PIK3C2A: variants seen among roughly 807,000 people sequenced by gnomAD.
The protein encoded by PIK3C2A is phosphatidylinositol-4-phosphate 3-kinase catalytic subunit type 2 alpha, also known as phosphatidylinositol 4-phosphate 3-kinase C2 domain-containing subunit alpha.
Under a neutral mutation model 204.5 loss-of-function variants are expected in PIK3C2A, and 97 were observed. That is an observed-to-expected ratio of 0.47 (90% CI 0.40 to 0.56). The LOEUF (loss-of-function observed/expected upper bound fraction) is 0.56, where lower values mean the gene tolerates loss of function less well. Ranked by LOEUF, PIK3C2A falls within the 20% of genes least tolerant of loss-of-function variation. The probability of loss-of-function intolerance (pLI) is 0.00; values close to 1 mark genes in which losing one functional copy is unlikely to be tolerated. For missense variants in PIK3C2A, 1,735 were observed against 1,969.2 expected, an observed-to-expected ratio of 0.88 and a Z score of 2.25; for synonymous variants, 653 against 664.4, an observed-to-expected ratio of 0.98 and a Z score of 0.26.
intron 19 of PIK3C2A, among the ~76,000 whole-genome samples, chr11:17,114,893 C>G (rs1242760027): frequency 1.3e-5 from 2 of 152,154 alleles, no homozygotes; most frequent in African/African-American, 4.8e-5. Context: ...GCTCTTGACT[C>G]AGCTATTTCA....
intron 27 of PIK3C2A, among the ~76,000 whole-genome samples, chr11:17,096,078 G>A (rs1186940390): frequency 6.7e-6 from 1 of 149,432 alleles, no homozygotes; most frequent in African/African-American, 2.5e-5. Flanking sequence ...TTGCTCTGTT[G>A]CCCAGCCTGG....
rs1259239085 is a variant in PIK3C2A at position 17,155,554 on chromosome 11, T to A, written c.1141A>T (p.Met381Leu). 2.5e-6 allele frequency: 4 copies of A among 1,602,106 alleles called. No homozygotes were observed. Among genetic ancestry groups the A allele is most frequent in the Non-Finnish European group, 3.4e-6 (4 of 1,170,792 alleles). The part of the protein sequence containing the change: ...LQEVEVQNEE[M>L]AAFCRSITKL... ...GTAATGGATCGACAAAAAGCTGCCA[T>A]CTCCTCATTCTGTACTTCAACTTCT... Residue 381 changes from methionine to leucine, a missense_variant, in exon 3 of 33, where the codon ATG becomes TTG. Around this residue, in one of 6 missense-constraint regions of PIK3C2A, gnomAD observed 536 missense variants for 546.7 expected, o/e 0.98. Coordinates refer to ENST00000691414, the MANE Select transcript of PIK3C2A (RefSeq NM_002645.4).
At position 17,117,670 on chromosome 11, in the gene PIK3C2A, G is replaced by T; in HGVS notation, c.3037C>A (p.Leu1013Ile). 1.4e-6 allele frequency: 2 copies of T among 1,426,904 alleles called. No individual in the cohort carries two copies. The highest frequency in any genetic ancestry group is 1.9e-6 in the Non-Finnish European group (2 of 1,037,432). The allele number at this position is 1,426,904 out of a possible 1,614,324, so 88.4% of individuals were successfully genotyped here. A position where few individuals can be genotyped will look rare whatever the true frequency, so the allele number is the denominator to read the frequency against. Residue 1013 changes from leucine (L) to isoleucine (I), a missense_variant and splice_region_variant, in exon 19 of 33, where the codon CTT becomes ATT. Leu to Ile is a conservative substitution (Grantham distance 5, BLOSUM62 2). Transcript: ENST00000691414. ...NIQIAHNLYW[L>I]LKDALHDVQF... ...ACATCATGCAGGGCATCTTTGAGAA[G>T]CCTAATACAGCAAAATATTTATGTT...
intron 1 of PIK3C2A, among the ~76,000 whole-genome samples, chr11:17,172,476 G>A (rs1227152517): frequency 6.6e-6 from 1 of 152,220 alleles, no homozygotes; most frequent in Non-Finnish European, 1.5e-5. Flanking sequence ...GACTGAAGGT[G>A]AGACCAGCAG....
chr11:17,145,298 CCCA>C, intron 8 of PIK3C2A, among the ~76,000 whole-genome samples: 1 of 152,006 alleles, frequency 6.6e-6, no homozygotes, highest in Non-Finnish European at 1.5e-5. Flanking sequence ...TGTAATAATC[CCCA>C]CGTGTCAAGG....
At chr11:17,185,329 C>T (rs1411816632) in intron 1 of PIK3C2A, among the ~76,000 whole-genome samples, 2 of 152,202 alleles carry the variant, frequency 1.3e-5, no homozygotes, top group Non-Finnish European at 2.9e-5. Context: ...AGGCTATATA[C>T]TACATACCCT....
intron 2 of PIK3C2A, among the ~76,000 whole-genome samples, chr11:17,158,967 T>C (rs547470653): frequency 1.1e-4 from 17 of 152,192 alleles, no homozygotes; most frequent in African/African-American, 4.1e-4. Context: ...CTGTAAAGGG[T>C]AAAAAATAGC....
At chr11:17,205,590 G>A (rs144838912) in intron 1 of PIK3C2A, among the ~76,000 whole-genome samples, 173 of 151,916 alleles carry the variant, frequency 1.1e-3, no homozygotes, top group African/African-American at 4.0e-3. Context: ...TGAGTTCTCA[G>A]GAAATTCAAC....
intron 1 of PIK3C2A, chr11:17,204,333 A>G (rs1591035315): frequency 6.6e-6 from 1 of 152,224 alleles, no homozygotes; most frequent in Non-Finnish European, 1.5e-5. Flanking sequence ...TTTGGCTCAC[A>G]TATTTCTCAT....
intron 22 of PIK3C2A, among the ~76,000 whole-genome samples, chr11:17,110,151 C>G (rs1263798053): frequency 6.6e-6 from 1 of 152,092 alleles, no homozygotes; most frequent in Non-Finnish European, 1.5e-5. Context: ...CAGGGTTTCA[C>G]CATGTTGCCC....
chr11:17,099,450 G>A (rs1848551564), intron 26 of PIK3C2A, among the ~76,000 whole-genome samples: 2 of 152,162 alleles, frequency 1.3e-5, no homozygotes. Context: ...AGGAGGCTGA[G>A]GCAGGAGAAT....
intron 2 of PIK3C2A, among the ~76,000 whole-genome samples, chr11:17,163,248 G>A (rs1221041748): frequency 6.6e-6 from 1 of 152,170 alleles, no homozygotes; most frequent in Non-Finnish European, 1.5e-5. Flanking sequence ...GGAGGTTGCA[G>A]TGTGCCGAGA....
intron 1 of PIK3C2A, among the ~76,000 whole-genome samples, chr11:17,206,973 C>T (rs1852602385): frequency 6.6e-6 from 1 of 152,116 alleles, no homozygotes; most frequent in South Asian, 2.1e-4. Flanking sequence ...ATAATTATAA[C>T]CTCAATTTCT....
chr11:17,165,589 A>C (rs1850915199), intron 2 of PIK3C2A, among the ~76,000 whole-genome samples: 1 of 151,968 alleles, frequency 6.6e-6, no homozygotes, highest in Non-Finnish European at 1.5e-5. Context: ...CAATCTGACC[A>C]ACATGGAGAA....
At chr11:17,147,694 T>A in intron 5 of PIK3C2A, 66 bp from the exon 6 acceptor site, 2 of 798,588 alleles carry the variant, frequency 2.5e-6, no homozygotes, top group Non-Finnish European at 4.1e-6. Flanking sequence ...GAGGGTAAAA[T>A]TTAAATTGCA....
chr11:17,168,171 C>G (rs984682263), intron 2 of PIK3C2A, among the ~76,000 whole-genome samples: 3 of 152,132 alleles, frequency 2.0e-5, no homozygotes, highest in African/African-American at 7.2e-5. Flanking sequence ...ATATTAATAG[C>G]AAGCAATTTT....
In PIK3C2A at chr11:17,119,816, G is replaced by C; in HGVS notation, c.2816C>G (p.Pro939Arg). 6.4e-7 allele frequency: 1 copy of C among 1,568,056 alleles called. No individual in the cohort carries two copies. The highest frequency in any genetic ancestry group is 8.6e-7 in the Non-Finnish European group (1 of 1,162,950). The change falls in exon 16 of 33, where the codon CCA (proline) becomes CGA (arginine). Residue 939 changes from proline (P) to arginine (R), a missense_variant. Around this residue, in one of 6 missense-constraint regions of PIK3C2A, gnomAD observed 567 missense variants for 576.0 expected, o/e 0.98. Transcript: ENST00000691414. Reference protein sequence around the residue: ...SLLHQWPALYPLIALELLDSK... With the variant: ...SLLHQWPALYRLIALELLDSK... ...ATCAAGAAGTTCCAATGCAATTAGT[G>C]GGTACAATGCAGGCCACTGGTGAAG...
intron 12 of PIK3C2A, among the ~76,000 whole-genome samples, chr11:17,131,154 C>CTA (rs1849681594): frequency 6.6e-6 from 1 of 152,116 alleles, no homozygotes; most frequent in Admixed American, 6.6e-5. Flanking sequence ...TGCCACTGCA[C>CTA]TCTAGCCTGG....
At chr11:17,150,248 C>T (rs551440794) in intron 4 of PIK3C2A, among the ~76,000 whole-genome samples, 1 of 152,234 alleles carries the variant, frequency 6.6e-6, no homozygotes, top group Admixed American at 6.5e-5. Context: ...TTATAATTAG[C>T]TTTTCTATCT....
Sources: allele counts gnomAD v4.1 joint callset (sites outside exome capture counted in the v4.1 genomes callset), GRCh38; gene constraint gnomAD v4.1.1; regional missense constraint gnomAD v4.1.1; transcripts MANE v1.5; gene names NCBI Gene and HGNC (gene_info 2026-07-23, HGNC 2026-07-21).